NLRP14: variants seen among roughly 807,000 people sequenced by gnomAD.
NLRP14 encodes the protein NACHT, LRR and PYD domains-containing protein 14.
A neutral mutation model predicts 94.7 loss-of-function variants in NLRP14; 105 were observed. The observed-to-expected ratio is 1.11, with a 90% CI of 0.95 to 1.30. The LOEUF (loss-of-function observed/expected upper bound fraction) is 1.30, where lower values mean the gene tolerates loss of function less well. Among genes scored for constraint, NLRP14 ranks in the 50% most tolerant of loss-of-function variants. The probability of loss-of-function intolerance (pLI) is 0.00; values close to 1 mark genes in which losing one functional copy is unlikely to be tolerated. For missense variants in NLRP14, 1,362 were observed against 1,254.1 expected, an observed-to-expected ratio of 1.09 and a Z score of -1.30; for synonymous variants, 508 against 459.9, an observed-to-expected ratio of 1.10 and a Z score of -1.34.
At chr11:7,031,247 C>T (rs543389919) in intron 1 of NLRP14, among the ~76,000 whole-genome samples, 2 of 152,336 alleles carry the variant, frequency 1.3e-5, no homozygotes, top group African/African-American at 4.8e-5. Flanking sequence ...CTCTCCTCTT[C>T]TCTGGATGCG....
At chr11:7,029,152 C>T (rs1024475039) in intron 1 of NLRP14, among the ~76,000 whole-genome samples, 1 of 152,124 alleles carries the variant, frequency 6.6e-6, no homozygotes, top group African/African-American at 2.4e-5. Context: ...ATAAGGAAGT[C>T]TCTCAAACTC....
Position 7,043,681 on chromosome 11 carries a change from TG to T in NLRP14, c.1656del (p.Met552IlefsTer3). ...KQLERTFNCK[M>X]SLKIKSKLLQ... ...CTGGAGAGGACTTTTAACTGTAAAA[TG>T]TCACTGAAGATAAAATCAAAGTTAC... On this transcript the variant is annotated frameshift_variant, in exon 4 of 12. Transcript: ENST00000299481. LOFTEE classifies it high-confidence loss of function. 1.2e-6 allele frequency: 2 copies of T among 1,613,942 alleles called. No individual in the cohort carries two copies. The highest frequency in any genetic ancestry group is 1.7e-6 in the Non-Finnish European group (2 of 1,179,858).
At chr11:7,031,113 A>C (rs540679897) in intron 1 of NLRP14, among the ~76,000 whole-genome samples, 1 of 152,302 alleles carries the variant, frequency 6.6e-6, no homozygotes, top group South Asian at 2.1e-4. Context: ...TAAGGGCCAG[A>C]GTGCGTTCCC....
At chr11:7,024,355 A>C (rs12293857) in intron 1 of NLRP14, among the ~76,000 whole-genome samples, 7,621 of 152,224 alleles carry the variant, frequency 0.05, 373 homozygotes, top group African/African-American at 0.12. Flanking sequence ...GCTTGCCAAT[A>C]TTGCTTATAG....
intron 6 of NLRP14, among the ~76,000 whole-genome samples, chr11:7,054,175 T>C (rs1296894484): frequency 2.0e-5 from 3 of 152,322 alleles, no homozygotes; most frequent in African/African-American, 4.8e-5. Flanking sequence ...CCAGTGTGTG[T>C]ATGTACCACA....
chr11:7,048,722 T>C (rs1230172801), intron 5 of NLRP14, among the ~76,000 whole-genome samples: 1 of 152,172 alleles, frequency 6.6e-6, no homozygotes, highest in Non-Finnish European at 1.5e-5. Context: ...TGTCCCTTCA[T>C]TGGATGTCAT....
chr11:7,045,502 G>C (rs1334977318), intron 4 of NLRP14, among the ~76,000 whole-genome samples: 1 of 152,094 alleles, frequency 6.6e-6, no homozygotes, highest in Non-Finnish European at 1.5e-5. Flanking sequence ...TACATTGTAA[G>C]CTTTGTGAGA....
intron 6 of NLRP14, among the ~76,000 whole-genome samples, chr11:7,052,540 G>A (rs571618087): frequency 1.7e-4 from 26 of 152,146 alleles, no homozygotes; most frequent in Non-Finnish European, 3.2e-4. Context: ...GGCTGAGACA[G>A]GAGAATTGCT....
chr11:7,058,112 A>T (rs910642118), intron 7 of NLRP14, among the ~76,000 whole-genome samples, 168 bp from the exon 8 acceptor site: 3 of 151,438 alleles, frequency 2.0e-5, no homozygotes, highest in Non-Finnish European at 4.4e-5. Flanking sequence ...TTGTTTCATC[A>T]TATCCTGCAT....
chr11:7,079,280 A>G, the NLRP14 span, among the ~76,000 whole-genome samples: 71 of 152,290 alleles, frequency 4.7e-4, no homozygotes, highest in East Asian at 7.1e-3. Context: ...ATGGAGGCCA[A>G]TGTAGCCAGT....
rs572944841 is a variant in NLRP14 at position 7,029,491 on chromosome 11, T to G, written c.-22+8721T>G. Among the ~76,000 whole-genome samples the G allele has an allele frequency of 3.9e-5, 6 of 152,304 alleles. No individual in the cohort carries two copies. In the South Asian group the frequency reaches 1.2e-3, roughly 32 times the overall value. Reference sequence around the variant, plus strand: ...AACGCCTCTATCCTCTTCCACACATTTACCACAGAAGATACAGTGTTCAAT... The same window carrying G: ...AACGCCTCTATCCTCTTCCACACATGTACCACAGAAGATACAGTGTTCAAT... On this transcript the variant is annotated intron_variant, in intron 1 of 11. Transcript: ENST00000299481.
At chr11:7,070,802 G>A (rs1333370160) in intron 11 of NLRP14, among the ~76,000 whole-genome samples, 1 of 152,156 alleles carries the variant, frequency 6.6e-6, no homozygotes, top group Non-Finnish European at 1.5e-5. Flanking sequence ...ATGAGGATCT[G>A]AGTCAATATA....
At chr11:7,027,478 G>T (rs374406545) in intron 1 of NLRP14, among the ~76,000 whole-genome samples, 10 of 152,074 alleles carry the variant, frequency 6.6e-5, no homozygotes, top group Middle Eastern at 3.4e-3. Context: ...ATTCATGAAG[G>T]CTCTGCCCTC....
intron 6 of NLRP14, among the ~76,000 whole-genome samples, chr11:7,051,769 C>T (rs553507187): frequency 1.3e-5 from 2 of 152,206 alleles, no homozygotes; most frequent in East Asian, 3.9e-4. Context: ...ACTACAGGCC[C>T]ATGCCACCAT....
chr11:7,068,681 G>A (rs1319433452), intron 10 of NLRP14, among the ~76,000 whole-genome samples: 1 of 152,038 alleles, frequency 6.6e-6, no homozygotes, highest in African/African-American at 2.4e-5. Flanking sequence ...TCTAAGTACG[G>A]GGTCTTTTTC....
Position 7,059,902 on chromosome 11 carries a change from G to A in NLRP14, c.2642G>A (p.Arg881His), listed in dbSNP as rs150675099. 457 of 1,611,840 alleles carry A rather than the reference G, an allele frequency of 2.8e-4. No homozygotes were observed. Among genetic ancestry groups the A allele is most frequent in the Non-Finnish European group, 3.5e-4 (418 of 1,178,372 alleles). The change falls in exon 9 of 12, where the codon CGT (arginine) becomes CAT (histidine). Residue 881 changes from arginine (R) to histidine (H), a missense_variant. By Grantham distance (29) the Arg-to-His change is conservative. Transcript: ENST00000299481. Reference protein sequence around the residue: ...QCTLKSLVLRRCHFTSLSSEY... With the variant: ...QCTLKSLVLRHCHFTSLSSEY... ...CATTGTCCTTCCTGTAGGCTGAGGC[G>A]TTGCCATTTCACTTCACTTAGCAGT...
Position 7,060,047 on chromosome 11 carries a change from T to C in NLRP14, c.2787T>C (p.Cys929=). ...LLCDVFRHPS[C]NLQDLELMGC... Reference sequence around the variant, plus strand: ...GTGATGTCTTTCGGCATCCAAGCTGTAATCTTCAGGACTTGGAGTAGGTTT... The same window carrying C: ...GTGATGTCTTTCGGCATCCAAGCTGCAATCTTCAGGACTTGGAGTAGGTTT... The change falls in exon 9 of 12, where the codon TGT becomes TGC. Residue 929 remains cysteine, a synonymous_variant. Transcript: ENST00000299481. The C allele has an allele frequency of 6.2e-7, 1 of 1,612,624 alleles. No homozygotes were observed. The highest frequency in any genetic ancestry group is 8.5e-7 in the Non-Finnish European group (1 of 1,178,842).
In NLRP14 at chr11:7,043,444, A is replaced by G; in HGVS notation, c.1418A>G (p.Glu473Gly). Reference sequence around the variant, plus strand: ...ATTATTCAGAAGGACGCAGAGTATGAAAACTGCTATGTGTTCACCCACCTT... The same window carrying G: ...ATTATTCAGAAGGACGCAGAGTATGGAAACTGCTATGTGTTCACCCACCTT... ...SNIIQKDAEY[E>G]NCYVFTHLHV... is the part of the protein sequence containing the mutation. Residue 473 changes from glutamate to glycine, a missense_variant, in exon 4 of 12, where the codon GAA becomes GGA. Coordinates refer to ENST00000299481, the MANE Select transcript of NLRP14 (RefSeq NM_176822.4). 6.2e-7 allele frequency: 1 copy of G among 1,614,196 alleles called. No individual in the cohort carries two copies. Among genetic ancestry groups the G allele is most frequent in the African/African-American group, 1.3e-5 (1 of 75,056 alleles).
downstream of NLRP14, among the ~76,000 whole-genome samples, chr11:7,075,069 G>A (rs1325721674): frequency 1.3e-5 from 2 of 152,144 alleles, no homozygotes; most frequent in Non-Finnish European, 2.9e-5. Context: ...CTGTAGGGAA[G>A]AAAGCCTAAG....
Sources: allele counts gnomAD v4.1 joint callset (sites outside exome capture counted in the v4.1 genomes callset), GRCh38; gene constraint gnomAD v4.1.1; transcripts MANE v1.5; gene names NCBI Gene and HGNC (gene_info 2026-07-23, HGNC 2026-07-21).